TENM3: variants seen among roughly 807,000 people sequenced by gnomAD.
TENM3 encodes teneurin transmembrane protein 3.
Under a neutral mutation model 255.1 loss-of-function variants are expected in TENM3, and 63 were observed. That is an observed-to-expected ratio of 0.25 (90% confidence interval 0.20 to 0.30). The LOEUF (loss-of-function observed/expected upper bound fraction) is 0.30. Ranked by LOEUF, TENM3 falls within the 10% of genes least tolerant of loss-of-function variation. The probability of loss-of-function intolerance (pLI) is 1.00; values close to 1 mark genes in which losing one functional copy is unlikely to be tolerated. For synonymous variants in TENM3, 1,306 were observed against 1,322.3 expected, an observed-to-expected ratio of 0.99 and a Z score of 0.27; for missense variants, 2,929 against 3,461.1, an observed-to-expected ratio of 0.85 and a Z score of 3.86.
the TENM3 span, among the ~76,000 whole-genome samples, chr4:181,468,822 C>A: frequency 6.6e-6 from 1 of 152,208 alleles, no homozygotes; most frequent in Admixed American, 6.5e-5. Context: ...ATTTAACACG[C>A]TTTTCACATG....
the TENM3 span, among the ~76,000 whole-genome samples, chr4:182,014,252 G>A: frequency 5.3e-5 from 8 of 151,154 alleles, no homozygotes; most frequent in African/African-American, 1.5e-4. Flanking sequence ...GTGAGCTAAC[G>A]TGCTAACACA....
the TENM3 span, among the ~76,000 whole-genome samples, chr4:181,720,158 C>G: frequency 6.6e-6 from 1 of 152,158 alleles, no homozygotes; most frequent in Non-Finnish European, 1.5e-5. Context: ...GTATTTCATT[C>G]TTTTTCTCCT....
the TENM3 span, among the ~76,000 whole-genome samples, chr4:181,750,390 C>T: frequency 5.3e-5 from 8 of 152,266 alleles, no homozygotes; most frequent in South Asian, 1.7e-3. Context: ...AACTTTATCA[C>T]TTATAATAGG....
At position 182,792,865 on chromosome 4, in the gene TENM3, G is replaced by T; in HGVS notation, c.6193G>T (p.Asp2065Tyr). ...TGGAAAGTTTGGAGTTATATATTAT[G>T]ATATTAACCAGATCATTTCTACAGC... ...QFGKFGVIYY[D>Y]INQIISTAVM... The change falls in exon 26 of 28, where the codon GAT becomes TAT. Residue 2065 changes from aspartate to tyrosine, a missense_variant. Around this residue, in one of 6 missense-constraint regions of TENM3, gnomAD observed 256 missense variants for 389.3 expected, o/e 0.66. Transcript: ENST00000511685. This position sits in a 1 kb window ranked among gnomAD's most constrained non-coding sequence, Gnocchi z 6.3. The T allele has an allele frequency of 6.2e-7, 1 of 1,613,814 alleles. No individual in the cohort carries two copies. The highest frequency in any genetic ancestry group is 8.5e-7 in the Non-Finnish European group (1 of 1,179,778).
chr4:182,461,953 G>A (rs1253011594), intron 3 of TENM3, among the ~76,000 whole-genome samples: 1 of 152,088 alleles, frequency 6.6e-6, no homozygotes, highest in Non-Finnish European at 1.5e-5. Context: ...TACTATTAGC[G>A]TGGCTTTTTC....
the TENM3 span, among the ~76,000 whole-genome samples, chr4:181,670,330 C>T: frequency 0.04 from 6,026 of 152,188 alleles, 142 homozygotes; most frequent in Middle Eastern, 0.078. Flanking sequence ...GGTTTGTAAC[C>T]GTGTTTTCTT....
intron 1 of TENM3, among the ~76,000 whole-genome samples, chr4:182,232,444 G>A (rs946427246): frequency 4.6e-5 from 7 of 152,088 alleles, no homozygotes; most frequent in Non-Finnish European, 7.4e-5. Flanking sequence ...ACATATATAC[G>A]GACAAACGCG....
At chr4:182,153,232 A>T (rs1250590467) in intron 1 of TENM3, among the ~76,000 whole-genome samples, 1 of 152,056 alleles carries the variant, frequency 6.6e-6, no homozygotes, top group Non-Finnish European at 1.5e-5. Context: ...TTATAAAAAT[A>T]CCTTAATTTA....
At chr4:181,993,292 C>A in the TENM3 span, among the ~76,000 whole-genome samples, 1 of 152,070 alleles carries the variant, frequency 6.6e-6, no homozygotes, top group African/African-American at 2.4e-5. Context: ...GGTACAGATG[C>A]TAACTTCACT....
the TENM3 span, among the ~76,000 whole-genome samples, chr4:181,910,740 G>A: frequency 1.3e-5 from 2 of 151,556 alleles, no homozygotes; most frequent in African/African-American, 2.4e-5. Flanking sequence ...GCCCCCCAAA[G>A]TGCTGAGATT....
the TENM3 span, among the ~76,000 whole-genome samples, chr4:181,949,455 A>T: frequency 6.6e-6 from 1 of 152,208 alleles, no homozygotes; most frequent in East Asian, 1.9e-4. Flanking sequence ...TTTGTCACAT[A>T]GCACATTTCC....
At chr4:182,094,780 G>A in the TENM3 span, among the ~76,000 whole-genome samples, 7 of 152,160 alleles carry the variant, frequency 4.6e-5, no homozygotes, top group East Asian at 1.4e-3. Context: ...ATAGTTGAAA[G>A]AGCAACATGA....
At chr4:181,895,165 A>T in the TENM3 span, among the ~76,000 whole-genome samples, 1 of 152,212 alleles carries the variant, frequency 6.6e-6, no homozygotes, top group South Asian at 2.1e-4. Context: ...TTAAATTAAT[A>T]AATACGTATT....
chr4:181,981,532 A>G, the TENM3 span, among the ~76,000 whole-genome samples: 1 of 152,238 alleles, frequency 6.6e-6, no homozygotes, highest in Non-Finnish European at 1.5e-5. Context: ...TTAATATTAT[A>G]TGAGGTTTTC....
At chr4:182,318,532 G>A (rs1391573477) in intron 1 of TENM3, among the ~76,000 whole-genome samples, 2 of 152,124 alleles carry the variant, frequency 1.3e-5, no homozygotes, top group Admixed American at 6.5e-5. Flanking sequence ...ATCAACCTAA[G>A]TTTAGTGTCC....
chr4:182,515,559 T>C (rs1368524028), intron 3 of TENM3, among the ~76,000 whole-genome samples: 1 of 152,330 alleles, frequency 6.6e-6, no homozygotes, highest in Non-Finnish European at 1.5e-5. Flanking sequence ...TAAATGTATG[T>C]ACATATGTAC....
At chr4:182,174,157 T>TGTC (rs1372368510) in intron 1 of TENM3, among the ~76,000 whole-genome samples, 7 of 152,266 alleles carry the variant, frequency 4.6e-5, no homozygotes, top group African/African-American at 1.7e-4. Context: ...GACCAAATTA[T>TGTC]GTCATCGCGG....
chr4:182,169,642 T>G (rs1751971052), intron 1 of TENM3, among the ~76,000 whole-genome samples: 2 of 152,154 alleles, frequency 1.3e-5, no homozygotes, highest in South Asian at 4.1e-4. Context: ...CCAAATAATG[T>G]AGTGTGAGAT....
chr4:181,654,892 A>G, the TENM3 span, among the ~76,000 whole-genome samples: 1 of 152,142 alleles, frequency 6.6e-6, no homozygotes, highest in African/African-American at 2.4e-5. Flanking sequence ...CCTTCCATCC[A>G]ACATGAGAAA....
Sources: allele counts gnomAD v4.1 joint callset (sites outside exome capture counted in the v4.1 genomes callset), GRCh38; gene constraint gnomAD v4.1.1; regional missense constraint gnomAD v4.1.1; non-coding constraint Gnocchi (gnomAD v3.1); transcripts MANE v1.5; gene names NCBI Gene and HGNC (gene_info 2026-07-23, HGNC 2026-07-21).